The following PTPRM variants were observed in gnomAD, a reference collection of about 807,000 sequenced individuals.
PTPRM encodes the protein receptor-type tyrosine-protein phosphatase mu.
Under a neutral mutation model 186.7 loss-of-function variants are expected in PTPRM, and 47 were observed. The ratio of observed to expected loss-of-function variants is 0.25; its 90% CI spans 0.20 to 0.32. The LOEUF (loss-of-function observed/expected upper bound fraction) is 0.32. Ranked by LOEUF, PTPRM falls within the 10% of genes least tolerant of loss-of-function variation. PTPRM has a pLI of 1.00. For synonymous variants in PTPRM, 668 were observed against 674.9 expected, an observed-to-expected ratio of 0.99 and a Z score of 0.16; for missense variants, 1,494 against 1,865.0, an observed-to-expected ratio of 0.80 and a Z score of 3.66.
chr18:7,981,703 C>A (rs1269203279), intron 7 of PTPRM, among the ~76,000 whole-genome samples: 1 of 152,170 alleles, frequency 6.6e-6, no homozygotes, highest in East Asian at 1.9e-4. Flanking sequence ...TTTGGTCATT[C>A]TGTGAACATC....
intron 14 of PTPRM, among the ~76,000 whole-genome samples, chr18:8,211,418 A>G (rs1257823053): frequency 1.1e-4 from 14 of 131,296 alleles, no homozygotes; most frequent in African/African-American, 4.0e-4. Context: ...TTTCTAAGAC[A>G]GAGTCTCGCC....
Position 7,567,640 on chromosome 18 carries a change from CGCCCCTGGA to C in PTPRM, c.-175_-167del. 5.7e-6 allele frequency: 3 copies of C among 524,504 alleles called. No homozygotes were observed. The highest frequency in any genetic ancestry group is 9.7e-6 in the Non-Finnish European group (3 of 308,364). The allele number at this position is 524,504 out of a possible 1,614,324, so 32.5% of individuals were successfully genotyped here. On this transcript the variant is annotated 5_prime_UTR_variant, in exon 1 of 33. Transcript: ENST00000580170. This position sits in a 1 kb window ranked among gnomAD's most constrained non-coding sequence, Gnocchi z 4.3. ...AGGAGGACCCAGGACCCTGTGCCCG[CGCCCCTGGA>C]GCCGCTGGAGTTCGGACTTCTGCAA...
rs183370430 is a variant in PTPRM at position 7,651,304 on chromosome 18, T to C, written c.73+83413T>C. On this transcript the variant is annotated intron_variant, in intron 1 of 32. Transcript: ENST00000580170. ...AAGCTTGACTGATGAAAGAAAACAT[T>C]GCTAAACTGGACTTCGTTAAAATTA... Among the ~76,000 whole-genome samples the C allele has an allele frequency of 4.9e-4, 75 of 152,184 alleles. 1 individual carries two copies. The highest frequency in any genetic ancestry group is 1.8e-3 in the African/African-American group (74 of 41,544).
chr18:8,148,014 A>G (rs887450210), intron 14 of PTPRM, among the ~76,000 whole-genome samples: 1 of 152,226 alleles, frequency 6.6e-6, no homozygotes, highest in Non-Finnish European at 1.5e-5. Context: ...GTGGTGGATA[A>G]GCTTTTTAAT....
At chr18:7,906,627 G>A (rs764030336) in intron 4 of PTPRM, 44 bp downstream of exon 4, 12 of 1,423,774 alleles carry the variant, frequency 8.4e-6, no homozygotes, top group Non-Finnish European at 1.2e-5. Flanking sequence ...ATCATTGGGG[G>A]CATGTTTACA....
chr18:7,972,237 C>A (rs1421517618), intron 7 of PTPRM, among the ~76,000 whole-genome samples: 1 of 133,762 alleles, frequency 7.5e-6, no homozygotes, highest in Non-Finnish European at 1.5e-5. Flanking sequence ...CGCATATTCT[C>A]ACGCATAGGT....
intron 14 of PTPRM, among the ~76,000 whole-genome samples, chr18:8,167,837 C>G (rs2093345227): frequency 6.6e-6 from 1 of 152,182 alleles, no homozygotes; most frequent in African/African-American, 2.4e-5. Context: ...TGTTCTTTGC[C>G]CCTGATGATG....
intron 2 of PTPRM, among the ~76,000 whole-genome samples, chr18:7,860,561 T>G (rs919180346): frequency 1.3e-5 from 2 of 152,184 alleles, no homozygotes; most frequent in Non-Finnish European, 2.9e-5. Flanking sequence ...GTCACAGAAC[T>G]AATTAGCCTT....
chr18:8,392,590 G>C (rs937032132), intron 31 of PTPRM, among the ~76,000 whole-genome samples: 1 of 151,800 alleles, frequency 6.6e-6, no homozygotes, highest in Non-Finnish European at 1.5e-5. Context: ...TCGCGCCACT[G>C]CACTCCAGCC....
At chr18:8,212,562 TG>T (rs1028009520) in intron 14 of PTPRM, among the ~76,000 whole-genome samples, 1 of 152,118 alleles carries the variant, frequency 6.6e-6, no homozygotes, top group Non-Finnish European at 1.5e-5. Context: ...CAGTGCTTTG[TG>T]GGGGGCCAAG....
intron 20 of PTPRM, among the ~76,000 whole-genome samples, chr18:8,314,091 A>C (rs1481581766): frequency 6.6e-6 from 1 of 152,200 alleles, no homozygotes; most frequent in East Asian, 1.9e-4. Flanking sequence ...GGAAATACTT[A>C]AATATAACTA....
At chr18:7,885,416 C>A (rs2048734206) in intron 2 of PTPRM, among the ~76,000 whole-genome samples, 1 of 152,136 alleles carries the variant, frequency 6.6e-6, no homozygotes, top group Non-Finnish European at 1.5e-5. Flanking sequence ...AGGAAAGATC[C>A]ACTTCTGTAG....
intron 19 of PTPRM, among the ~76,000 whole-genome samples, chr18:8,292,311 AC>A (rs983714142): frequency 3.2e-4 from 49 of 152,360 alleles, no homozygotes; most frequent in African/African-American, 1.2e-3. Context: ...TAGGAAAAAA[AC>A]ATTTTTAATC....
At chr18:8,217,566 A>G (rs545215349) in intron 14 of PTPRM, among the ~76,000 whole-genome samples, 1 of 152,334 alleles carries the variant, frequency 6.6e-6, no homozygotes, top group Admixed American at 6.5e-5. Flanking sequence ...TATAAAATTG[A>G]TGAAGCTGAG....
At position 7,860,005 on chromosome 18, in the gene PTPRM, T is replaced by G. The variant is rs199728669; in HGVS notation, c.197-28101T>G. Among the ~76,000 whole-genome samples the G allele has an allele frequency of 5.3e-5, 8 of 152,280 alleles. No individual in the cohort carries two copies. The East Asian group carries it at 1.4e-3, about 26-fold the overall frequency. Reference sequence around the variant, plus strand: ...ATTGGAGGTTTATATTTGAGAAAATTTATGGAGAATTTTCTGATCCTTTTT... The same window carrying G: ...ATTGGAGGTTTATATTTGAGAAAATGTATGGAGAATTTTCTGATCCTTTTT... On this transcript the variant is annotated intron_variant, in intron 2 of 32. Coordinates refer to ENST00000580170, the MANE Select transcript of PTPRM (RefSeq NM_001105244.2).
At chr18:8,106,514 T>C (rs527767909) in intron 11 of PTPRM, among the ~76,000 whole-genome samples, 64 of 152,300 alleles carry the variant, frequency 4.2e-4, no homozygotes, top group African/African-American at 1.5e-3. Context: ...CTTTGTCCTT[T>C]GTACAAACCC....
At chr18:8,007,127 G>A (rs1031272433) in intron 7 of PTPRM, among the ~76,000 whole-genome samples, 1 of 152,114 alleles carries the variant, frequency 6.6e-6, no homozygotes, top group Admixed American at 6.5e-5. Context: ...TCAGGGGTAG[G>A]ACCTAGGAAT....
chr18:8,281,946 G>T (rs939767615), intron 19 of PTPRM, among the ~76,000 whole-genome samples: 7 of 152,040 alleles, frequency 4.6e-5, no homozygotes, highest in Admixed American at 3.9e-4. Flanking sequence ...AGAAAATCAA[G>T]AAATTAGACT....
rs149613547 is a variant in PTPRM at position 7,945,297 on chromosome 18, C to CA, written c.664-3867dup. On this transcript the variant is annotated intron_variant, in intron 5 of 32. Transcript: ENST00000580170. The stretch of plus-strand genomic sequence containing the variant: ...TGAAACCCCATCTCTACTAAAAATA[C>CA]AAAAAAAAAAAAAAAAATTATCCAG... 6.7e-3 allele frequency among the ~76,000 whole-genome samples: 911 copies of CA among 135,846 alleles called. 29 individuals are homozygous for CA. The South Asian group carries it at 0.11, about 16-fold the overall frequency. The allele number at this position is 135,846 out of a possible 152,430, so 89.1% of individuals were successfully genotyped here. A position where few individuals can be genotyped will look rare whatever the true frequency, so the allele number is the denominator to read the frequency against.
Sources: allele counts gnomAD v4.1 joint callset (sites outside exome capture counted in the v4.1 genomes callset), GRCh38; gene constraint gnomAD v4.1.1; non-coding constraint Gnocchi (gnomAD v3.1); transcripts MANE v1.5; gene names NCBI Gene and HGNC (gene_info 2026-07-23, HGNC 2026-07-21).